TMEFF1: variants seen among roughly 807,000 people sequenced by gnomAD.
TMEFF1 encodes tomoregulin-1.
In TMEFF1, 20 loss-of-function variants were observed where a neutral mutation model predicts 47.5. That is an observed-to-expected ratio of 0.42 (90% CI 0.30 to 0.61). The LOEUF (loss-of-function observed/expected upper bound fraction) is 0.61. Among genes scored for constraint, TMEFF1 ranks in the 20% least tolerant of loss-of-function variants. TMEFF1 has a pLI of 0.19. For synonymous variants in TMEFF1, 162 were observed against 166.3 expected (o/e 0.97, Z 0.20); for missense variants, 411 against 471.1 (o/e 0.87, Z 1.18).
At chr9:100,553,556 A>T (rs960463745) in intron 7 of TMEFF1, among the ~76,000 whole-genome samples, 10 of 151,818 alleles carry the variant, frequency 6.6e-5, no homozygotes, top group Admixed American at 5.2e-4. Context: ...TATGTCTAGA[A>T]TAGCTGCTGA....
At chr9:100,481,245 C>T (rs1427714248) in intron 1 of TMEFF1, among the ~76,000 whole-genome samples, 1 of 152,174 alleles carries the variant, frequency 6.6e-6, no homozygotes, top group Non-Finnish European at 1.5e-5. Context: ...TTTTCTGTCT[C>T]TGTATGTAGC....
chr9:100,534,301 T>C (rs1728944085), intron 5 of TMEFF1, among the ~76,000 whole-genome samples: 1 of 152,208 alleles, frequency 6.6e-6, no homozygotes, highest in African/African-American at 2.4e-5. Flanking sequence ...ACTGGTTTTT[T>C]TGATTGGGGG....
At chr9:100,490,187 G>A (rs913266362) in intron 1 of TMEFF1, among the ~76,000 whole-genome samples, 17 of 152,186 alleles carry the variant, frequency 1.1e-4, no homozygotes, top group African/African-American at 3.6e-4. Flanking sequence ...ATAGCTTAGA[G>A]AAGTTTTAGC....
chr9:100,548,723 G>T (rs1436137811), intron 6 of TMEFF1, among the ~76,000 whole-genome samples: 1 of 152,106 alleles, frequency 6.6e-6, no homozygotes, highest in East Asian at 1.9e-4. Context: ...CCAAAATTTG[G>T]TACATTATAT....
At chr9:100,530,082 G>C (rs1265551129) in intron 5 of TMEFF1, among the ~76,000 whole-genome samples, 1 of 151,434 alleles carries the variant, frequency 6.6e-6, no homozygotes, top group Admixed American at 6.6e-5. Flanking sequence ...TCTCTGGGAC[G>C]CATTCAAAGC....
rs1839366326 is a variant in TMEFF1, at chr9:100,577,180, A to G, written c.*580A>G. The stretch of plus-strand genomic sequence containing the variant: ...AAAAATAGTCCTAATAATTTGAACA[A>G]ATATGTTAGTAATGATGGAACAGAT... On this transcript the variant is annotated 3_prime_UTR_variant, in exon 10 of 10. Coordinates refer to ENST00000374879, the MANE Select transcript of TMEFF1 (RefSeq NM_003692.5). 1 of 152,670 alleles carries G rather than the reference A, an allele frequency of 6.6e-6. No individual in the cohort carries two copies. Among genetic ancestry groups the G allele is most frequent in the African/African-American group, 2.4e-5 (1 of 41,460 alleles). 9.5% of individuals were successfully genotyped at this position (152,670 alleles called of 1,614,324 possible). A position where few individuals can be genotyped will look rare whatever the true frequency, so the allele number is the denominator to read the frequency against.
intron 1 of TMEFF1, among the ~76,000 whole-genome samples, chr9:100,491,718 C>G (rs764370957): frequency 3.9e-5 from 6 of 152,018 alleles, no homozygotes; most frequent in Non-Finnish European, 5.9e-5. Context: ...TTGTCTTGGT[C>G]CCATAAGAAT....
intron 5 of TMEFF1, among the ~76,000 whole-genome samples, chr9:100,534,581 TTTCCTCC>T (rs1360562077): frequency 6.6e-6 from 1 of 152,198 alleles, no homozygotes; most frequent in Non-Finnish European, 1.5e-5. Context: ...AGTCTCATAT[TTTCCTCC>T]TTCGCTCATT....
chr9:100,560,352 A>C (rs796396192), intron 7 of TMEFF1, among the ~76,000 whole-genome samples: 3 of 152,314 alleles, frequency 2.0e-5, no homozygotes, highest in Admixed American at 6.5e-5. Context: ...GTACGGCTGT[A>C]GTGCACAGAG....
intron 1 of TMEFF1, among the ~76,000 whole-genome samples, chr9:100,496,328 C>G (rs1837647774): frequency 6.6e-6 from 1 of 152,228 alleles, no homozygotes. Context: ...CAGCCTCCTC[C>G]TCCTGGGTTC....
At chr9:100,569,150 G>C (rs1431656836) in intron 8 of TMEFF1, among the ~76,000 whole-genome samples, 2 of 152,182 alleles carry the variant, frequency 1.3e-5, no homozygotes, top group African/African-American at 4.8e-5. Flanking sequence ...GGAGCTGCCA[G>C]ACCGTTTTCC....
At chr9:100,522,049 C>T (rs1838170625) in intron 5 of TMEFF1, among the ~76,000 whole-genome samples, 1 of 152,204 alleles carries the variant, frequency 6.6e-6, no homozygotes, top group African/African-American at 2.4e-5. Context: ...TATGACGAGT[C>T]TCTCCCTCAG....
intron 1 of TMEFF1, among the ~76,000 whole-genome samples, chr9:100,479,593 A>G (rs1410300951): frequency 6.6e-6 from 1 of 152,148 alleles, no homozygotes; most frequent in African/African-American, 2.4e-5. Context: ...CCTATTCTAG[A>G]TATGCATGCA....
In TMEFF1 at chr9:100,547,907, A is replaced by G; in HGVS notation, c.709+15A>G. Reference sequence around the variant, plus strand: ...TCATTGCACAGGTAAAATCCATTTTATTTATTCAGAGACCCATCTTTATTA... The same window carrying G: ...TCATTGCACAGGTAAAATCCATTTTGTTTATTCAGAGACCCATCTTTATTA... On this transcript the variant is annotated intron_variant, in intron 6 of 9. Transcript: ENST00000374879. 1 of 1,562,716 alleles carries G rather than the reference A, an allele frequency of 6.4e-7. No homozygotes were observed. The highest frequency in any genetic ancestry group is 2.4e-5 in the East Asian group (1 of 42,404).
At position 100,498,641 on chromosome 9, in the gene TMEFF1, A is replaced by T. The variant is rs556456939; in HGVS notation, c.197-124A>T. 1.1e-4 allele frequency: 88 copies of T among 770,716 alleles called. No homozygotes were observed. In the African/African-American group the frequency reaches 1.5e-3, roughly 13 times the overall value. The allele number at this position is 770,716 out of a possible 1,614,324, so 47.7% of individuals were successfully genotyped here. ...TTTTTGTATAGTTATGTCTTATTAC[A>T]CTTCTGAATGGGGGGGCTCAATACA... On this transcript the variant is annotated intron_variant, in intron 1 of 9. Coordinates refer to ENST00000374879, the MANE Select transcript of TMEFF1 (RefSeq NM_003692.5).
At chr9:100,537,961 A>G (rs977426409) in intron 5 of TMEFF1, among the ~76,000 whole-genome samples, 1 of 152,198 alleles carries the variant, frequency 6.6e-6, no homozygotes, top group African/African-American at 2.4e-5. Flanking sequence ...AAATTATAAA[A>G]TATATTCAAA....
At chr9:100,553,024 G>A (rs528915646) in intron 7 of TMEFF1, among the ~76,000 whole-genome samples, 2 of 152,274 alleles carry the variant, frequency 1.3e-5, no homozygotes, top group Admixed American at 1.3e-4. Flanking sequence ...CCCAACTTGG[G>A]ATGAAGCAGA....
intron 1 of TMEFF1, among the ~76,000 whole-genome samples, chr9:100,496,054 G>A (rs7042792): frequency 0.12 from 17,979 of 152,232 alleles, 1,184 homozygotes; most frequent in Middle Eastern, 0.18. Flanking sequence ...TTCTCCCCAT[G>A]TATTATGTCT....
intron 7 of TMEFF1, among the ~76,000 whole-genome samples, chr9:100,557,937 A>G (rs11789665): frequency 0.025 from 3,816 of 152,038 alleles, 61 homozygotes; most frequent in Middle Eastern, 0.037. Context: ...TGAGCGGAAT[A>G]TTAGACTCTG....
Sources: allele counts gnomAD v4.1 joint callset (sites outside exome capture counted in the v4.1 genomes callset), GRCh38; gene constraint gnomAD v4.1.1; transcripts MANE v1.5; gene names NCBI Gene and HGNC (gene_info 2026-07-23, HGNC 2026-07-21).